ART3: variants seen among roughly 807,000 people sequenced by gnomAD.
ART3 encodes the protein ecto-ADP-ribosyltransferase 3.
In ART3, 49 loss-of-function variants were observed where a neutral mutation model predicts 48.5. The observed-to-expected ratio is 1.01, with a 90% CI of 0.80 to 1.28. The LOEUF is 1.28. Among genes scored for constraint, ART3 ranks in the 50% most tolerant of loss-of-function variants. The pLI is 0.00. For synonymous variants in ART3, 145 were observed against 157.2 expected (o/e 0.92, Z 0.58); for missense variants, 438 against 454.3 (o/e 0.96, Z 0.33).
chr4:76,108,738 C>G (rs1728935096), intron 11 of ART3, among the ~76,000 whole-genome samples: 1 of 152,110 alleles, frequency 6.6e-6, no homozygotes, highest in South Asian at 2.1e-4. Context: ...TGTGTACTTA[C>G]CCAACCCTAG....
intron 1 of ART3, among the ~76,000 whole-genome samples, chr4:76,056,640 C>G (rs904113345): frequency 3.3e-5 from 5 of 152,064 alleles, no homozygotes; most frequent in Non-Finnish European, 7.4e-5. Context: ...GTGCAAAGTT[C>G]CTGTTGCCCA....
intron 1 of ART3, among the ~76,000 whole-genome samples, chr4:76,060,118 G>A (rs1719063393): frequency 6.6e-6 from 1 of 152,096 alleles, no homozygotes; most frequent in African/African-American, 2.4e-5. Context: ...CATTTCCGTA[G>A]TTCCTGGTTT....
chr4:76,108,750 T>C (rs567065841), intron 11 of ART3, among the ~76,000 whole-genome samples: 3 of 152,298 alleles, frequency 2.0e-5, no homozygotes, highest in African/African-American at 7.2e-5. Context: ...CAACCCTAGA[T>C]GGTATACCCT....
At chr4:76,020,929 A>G (rs1732744664) in intron 1 of ART3, among the ~76,000 whole-genome samples, 1 of 152,202 alleles carries the variant, frequency 6.6e-6, no homozygotes, top group African/African-American at 2.4e-5. Flanking sequence ...CTGTTATGCT[A>G]CATTAGTTCT....
At chr4:76,024,986 G>C (rs4386624) in intron 1 of ART3, among the ~76,000 whole-genome samples, 93,000 of 152,050 alleles carry the variant, frequency 0.61, 29,525 homozygotes, top group East Asian at 0.94. Context: ...GGGGTAAATG[G>C]AATTTGCTAG....
chr4:76,074,487 G>A (rs1325084467), upstream of ART3, among the ~76,000 whole-genome samples: 3 of 152,162 alleles, frequency 2.0e-5, no homozygotes, highest in Non-Finnish European at 4.4e-5. Context: ...TTCTCTCTGA[G>A]AGAAGCCCAG....
At chr4:76,027,313 A>G (rs1411102732) in intron 1 of ART3, among the ~76,000 whole-genome samples, 2 of 152,228 alleles carry the variant, frequency 1.3e-5, no homozygotes, top group African/African-American at 4.8e-5. Flanking sequence ...GGTATAGAAA[A>G]TAAATAATGT....
intron 11 of ART3, 121 bp from the exon 12 acceptor site, chr4:76,112,265 T>G: frequency 8.1e-7 from 1 of 1,240,426 alleles, no homozygotes; most frequent in South Asian, 1.7e-5. Flanking sequence ...CTGGAAGTAT[T>G]TCAGGTAAGT....
chr4:76,078,553 C>T (rs566961970), intron 2 of ART3, among the ~76,000 whole-genome samples: 11 of 152,112 alleles, frequency 7.2e-5, no homozygotes, highest in African/African-American at 2.4e-4. Context: ...CCCAGGACTA[C>T]GGGGGTCTTA....
intron 9 of ART3, 104 bp from the exon 10 acceptor site, chr4:76,104,493 T>C (rs1728037584): frequency 6.5e-7 from 1 of 1,534,966 alleles, no homozygotes; most frequent in Non-Finnish European, 8.8e-7. Context: ...TATAGTGCAT[T>C]GGGGCCTTGG....
chr4:76,069,971 A>G (rs1402641587), upstream of ART3, among the ~76,000 whole-genome samples: 1 of 152,098 alleles, frequency 6.6e-6, no homozygotes, highest in Non-Finnish European at 1.5e-5. Context: ...GAGTGGGGAA[A>G]TTTCTGGATC....
intron 1 of ART3, among the ~76,000 whole-genome samples, chr4:76,044,211 G>A (rs970385509): frequency 2.0e-5 from 3 of 151,982 alleles, no homozygotes; most frequent in African/African-American, 7.2e-5. Context: ...TCCAGAGATT[G>A]GTATAAGAAT....
At chr4:76,022,032 A>G (rs1334616557) in intron 1 of ART3, 1 of 1,244,854 alleles carries the variant, frequency 8.0e-7, no homozygotes, top group Admixed American at 1.7e-5. Flanking sequence ...TACCGAGTTC[A>G]TAGAATAGAT....
Position 76,112,780 on chromosome 4 carries a change from G to GAT in ART3, c.*262_*263dup, listed in dbSNP as rs1371675228. The GAT allele has an allele frequency of 3.1e-6, 1 of 319,680 alleles. No individual in the cohort carries two copies. The highest frequency in any genetic ancestry group is 2.2e-5 in the African/African-American group (1 of 45,902). The allele number at this position is 319,680 out of a possible 1,614,324, so 19.8% of individuals were successfully genotyped here. On this transcript the variant is annotated 3_prime_UTR_variant, in exon 12 of 12. Transcript: ENST00000355810. ...CTGATTAAATTCAATAAAAGATTTT[G>GAT]ATTAGATATTTCAGAATTGCCAGTA...
intron 1 of ART3, chr4:76,021,975 A>T: frequency 6.3e-7 from 1 of 1,597,388 alleles, no homozygotes; most frequent in Non-Finnish European, 8.6e-7. Context: ...GGGATATAAA[A>T]GTGTGATAGT....
chr4:76,034,701 C>T, intron 1 of ART3: 6 of 972,328 alleles, frequency 6.2e-6, no homozygotes, highest in Non-Finnish European at 9.5e-6. Flanking sequence ...CAGTTTCCTA[C>T]TGTAGAATTC....
At chr4:76,055,869 A>G (rs1718635221) in intron 1 of ART3, among the ~76,000 whole-genome samples, 1 of 152,182 alleles carries the variant, frequency 6.6e-6, no homozygotes, top group Non-Finnish European at 1.5e-5. Context: ...AAAATTTCAG[A>G]CCAGCCAATG....
intron 1 of ART3, among the ~76,000 whole-genome samples, chr4:76,015,757 T>C (rs974533482): frequency 1.3e-5 from 2 of 152,142 alleles, no homozygotes; most frequent in African/African-American, 4.8e-5. Context: ...GCCTCTCGAG[T>C]AGCTGGGACC....
At chr4:76,048,580 C>G (rs1735736180) in intron 1 of ART3, among the ~76,000 whole-genome samples, 1 of 151,820 alleles carries the variant, frequency 6.6e-6, no homozygotes, top group Non-Finnish European at 1.5e-5. Context: ...GTTGCGCTCA[C>G]CGATGCAGCA....
Sources: gnomAD v4.1 joint callset for allele counts (sites outside exome capture counted in the v4.1 genomes callset) on GRCh38, gnomAD v4.1.1 for gene constraint, MANE v1.5 for transcripts, NCBI Gene and HGNC (gene_info 2026-07-23, HGNC 2026-07-21) for gene names.